The following SLC39A10 variants were observed in gnomAD, a reference collection of about 807,000 sequenced individuals.
The protein encoded by SLC39A10 is zinc transporter ZIP10.
In SLC39A10, 13 loss-of-function variants were observed where a neutral mutation model predicts 65.1. The ratio of observed to expected loss-of-function variants is 0.20; its 90% CI spans 0.13 to 0.32. The LOEUF is 0.32. Ranked by LOEUF, SLC39A10 falls within the 10% of genes least tolerant of loss-of-function variation. The pLI, the probability that SLC39A10 is intolerant of heterozygous loss-of-function variation, is 1.00. For synonymous variants in SLC39A10, 321 were observed against 342.2 expected, an observed-to-expected ratio of 0.94 and a Z score of 0.68; for missense variants, 831 against 1,018.4, an observed-to-expected ratio of 0.82 and a Z score of 2.50.
intron 1 of SLC39A10, chr2:195,657,578 G>A: frequency 1.0e-6 from 1 of 982,610 alleles, no homozygotes; most frequent in Non-Finnish European, 1.2e-6. Flanking sequence ...TTCGCGTGCG[G>A]AGCCTCGCGC....
At position 195,728,743 on chromosome 2, in the gene SLC39A10, T is replaced by C. The variant is rs907563085; in HGVS notation, c.2337+394T>C. The stretch of plus-strand genomic sequence containing the variant: ...AAGCCAGTCTTCTGGAAGGAAGTGG[T>C]ATATATTCCATAGGATTTATGTAAT... On this transcript the variant is annotated intron_variant, in intron 9 of 9. Coordinates refer to ENST00000359634, the MANE Select transcript of SLC39A10 (RefSeq NM_020342.3). The surrounding 1 kb of genome is among the most constrained non-coding windows in gnomAD (Gnocchi z 4.4). Among the ~76,000 whole-genome samples the C allele has an allele frequency of 3.3e-5, 5 of 152,208 alleles. No individual in the cohort carries two copies. Among genetic ancestry groups the C allele is most frequent in the African/African-American group, 7.2e-5 (3 of 41,458 alleles).
chr2:195,626,281 T>C (rs533171963), intron 2 of SLC39A10, among the ~76,000 whole-genome samples: 1 of 152,320 alleles, frequency 6.6e-6, no homozygotes, highest in Admixed American at 6.5e-5. Context: ...GATCTTCTTA[T>C]GTTTTGTGCA....
At chr2:195,689,775 T>C (rs1281301500) in intron 3 of SLC39A10, among the ~76,000 whole-genome samples, 1 of 152,232 alleles carries the variant, frequency 6.6e-6, no homozygotes, top group African/African-American at 2.4e-5. Context: ...GTTTATGATT[T>C]TGATTAAGCA....
chr2:195,673,066 G>A (rs1689931668), intron 1 of SLC39A10, among the ~76,000 whole-genome samples: 1 of 152,134 alleles, frequency 6.6e-6, no homozygotes, highest in Admixed American at 6.5e-5. Context: ...ACTTAATGCT[G>A]CTTTGGAATT....
intron 2 of SLC39A10, among the ~76,000 whole-genome samples, chr2:195,628,958 TTAA>T (rs1252397412): frequency 6.6e-6 from 1 of 152,224 alleles, no homozygotes; most frequent in African/African-American, 2.4e-5. Context: ...CTCTTGTGTA[TTAA>T]TATCTCAAAC....
At chr2:195,637,851 C>T (rs557129990) in intron 2 of SLC39A10, among the ~76,000 whole-genome samples, 6 of 152,186 alleles carry the variant, frequency 3.9e-5, no homozygotes, top group South Asian at 2.1e-4. Context: ...AGGCCATAGT[C>T]GAAGCTGCTG....
At chr2:195,698,710 GT>G (rs924559288) in intron 3 of SLC39A10, among the ~76,000 whole-genome samples, 8 of 148,574 alleles carry the variant, frequency 5.4e-5, no homozygotes, top group African/African-American at 7.4e-5. Flanking sequence ...TTATTTGCTA[GT>G]TTTTTTTTTC....
At chr2:195,668,539 A>G (rs1689723678) in intron 1 of SLC39A10, among the ~76,000 whole-genome samples, 1 of 152,272 alleles carries the variant, frequency 6.6e-6, no homozygotes, top group Admixed American at 6.5e-5. Flanking sequence ...CATCATTATT[A>G]GCATATTTTG....
chr2:195,676,361 CTT>C lies in SLC39A10; in HGVS notation c.-11-3659_-11-3658del, dbSNP rs372606204. ...CCTGCCACAGCGCCTGGCCTATAAG[CTT>C]TTTTTTTTTTTATAGTGTCCTTTAT... On this transcript the variant is annotated intron_variant, in intron 1 of 9. Transcript: ENST00000359634. Among the ~76,000 whole-genome samples the C allele has an allele frequency of 9.1e-3, 1,294 of 142,420 alleles. 15 individuals carry two copies. Among genetic ancestry groups the C allele is most frequent in the African/African-American group, 0.031 (1,236 of 39,304 alleles). The allele number at this position is 142,420 out of a possible 152,430, so 93.4% of individuals were successfully genotyped here.
intron 1 of SLC39A10, among the ~76,000 whole-genome samples, chr2:195,663,964 G>A (rs765337322): frequency 1.4e-4 from 21 of 151,292 alleles, no homozygotes; most frequent in Non-Finnish European, 2.2e-4. Flanking sequence ...CTTCTCTCCC[G>A]TTTTTTCCAA....
chr2:195,691,965 C>A (rs1442821039), intron 3 of SLC39A10, among the ~76,000 whole-genome samples: 2 of 151,800 alleles, frequency 1.3e-5, no homozygotes, highest in Non-Finnish European at 3.0e-5. Context: ...AAGGGTGTTT[C>A]CAATGTTCTG....
intron 3 of SLC39A10, among the ~76,000 whole-genome samples, chr2:195,690,166 A>T (rs1336633550): frequency 1.1e-5 from 1 of 89,614 alleles, no homozygotes; most frequent in African/African-American, 4.6e-5. Flanking sequence ...ACAGAGTGAG[A>T]CTCTCTGAAA....
chr2:195,713,957 C>G (rs1323556149), intron 6 of SLC39A10, among the ~76,000 whole-genome samples: 1 of 151,402 alleles, frequency 6.6e-6, no homozygotes, highest in Non-Finnish European at 1.5e-5. Flanking sequence ...GACAGAGTCT[C>G]ACTCTGTCGC....
intron 1 of SLC39A10, among the ~76,000 whole-genome samples, chr2:195,666,273 G>T (rs966215906): frequency 3.3e-5 from 5 of 152,136 alleles, no homozygotes; most frequent in Admixed American, 2.6e-4. Flanking sequence ...GAGATTTTTT[G>T]ATTATTTTTT....
chr2:195,641,698 T>A (rs1688813906), intron 2 of SLC39A10, among the ~76,000 whole-genome samples: 1 of 150,534 alleles, frequency 6.6e-6, no homozygotes, highest in Non-Finnish European at 1.5e-5. Flanking sequence ...TTTTTTTTTT[T>A]TTTTTGAGTT....
chr2:195,675,475 G>A lies in SLC39A10; in HGVS notation c.-11-4557G>A, dbSNP rs539322337. 4.6e-5 allele frequency among the ~76,000 whole-genome samples: 7 copies of A among 152,204 alleles called. No homozygotes were observed. In the East Asian group the frequency reaches 7.7e-4, roughly 17 times the overall value. On this transcript the variant is annotated intron_variant, in intron 1 of 9. Transcript: ENST00000359634. ...TTTTGAGACATAGTCTCGCTCTGTC[G>A]CCCAGGCTGGAGTGCAGTGGCGTGA... is the stretch of plus-strand genomic sequence containing the variant.
chr2:195,728,478 T>A lies in SLC39A10; in HGVS notation c.2337+129T>A. 1.2e-6 allele frequency: 1 copy of A among 859,950 alleles called. No homozygotes were observed. Among genetic ancestry groups the A allele is most frequent in the Non-Finnish European group, 1.7e-6 (1 of 583,586 alleles). 53.3% of individuals were successfully genotyped at this position (859,950 alleles called of 1,614,324 possible). A position where few individuals can be genotyped will look rare whatever the true frequency, so the allele number is the denominator to read the frequency against. On this transcript the variant is annotated intron_variant, in intron 9 of 9. Transcript: ENST00000359634. This position sits in a 1 kb window ranked among gnomAD's most constrained non-coding sequence, Gnocchi z 4.4. ...AGACATAATATCCTAAATAATCTCTTAAGGAAGGACATTTAAGTAGGAGGT... is the reference window on the plus strand; with the variant it reads ...AGACATAATATCCTAAATAATCTCTAAAGGAAGGACATTTAAGTAGGAGGT...
intron 3 of SLC39A10, among the ~76,000 whole-genome samples, chr2:195,695,287 G>C (rs1358214674): frequency 6.6e-6 from 1 of 152,212 alleles, no homozygotes; most frequent in Non-Finnish European, 1.5e-5. Context: ...GCCGCTGTGG[G>C]GGATGGGGAT....
At chr2:195,689,403 C>CGAAGTGA (rs2105784483) in intron 3 of SLC39A10, among the ~76,000 whole-genome samples, 1 of 151,724 alleles carries the variant, frequency 6.6e-6, no homozygotes, top group African/African-American at 2.4e-5. Context: ...ACCTGGATAA[C>CGAAGTGA]GAAGTGAGAA....
Sources: gnomAD v4.1 joint callset for allele counts (sites outside exome capture counted in the v4.1 genomes callset) on GRCh38, gnomAD v4.1.1 for gene constraint, Gnocchi (gnomAD v3.1) non-coding constraint, MANE v1.5 for transcripts, NCBI Gene and HGNC (gene_info 2026-07-23, HGNC 2026-07-21) for gene names.